Variants in MFSD8 observed in about 807,000 individuals in gnomAD.
The protein encoded by MFSD8 is major facilitator superfamily domain-containing protein 8.
In MFSD8, 55 loss-of-function variants were observed where a neutral mutation model predicts 66.4. The observed-to-expected ratio is 0.83, with a 90% CI of 0.67 to 1.04. The LOEUF is 1.04. Ranked by LOEUF, MFSD8 falls within the 50% of genes least tolerant of loss-of-function variation. The pLI, the probability that MFSD8 is intolerant of heterozygous loss-of-function variation, is 0.00. For synonymous variants in MFSD8, 202 were observed against 212.8 expected (o/e 0.95, Z 0.44); for missense variants, 550 against 627.6 (o/e 0.88, Z 1.32).
At chr4:127,965,302 G>A (rs764957776), upstream of MFSD8, 1 of 758,268 alleles carries the variant, frequency 1.3e-6, no homozygotes, top group Non-Finnish European at 2.2e-6. Flanking sequence ...GCGGAAGGCC[G>A]GGCAGCGCAG....
chr4:127,924,101 G>A (rs536072295), intron 9 of MFSD8, among the ~76,000 whole-genome samples: 4 of 152,152 alleles, frequency 2.6e-5, no homozygotes, highest in Admixed American at 6.5e-5. Context: ...AGTAGAATTC[G>A]GCTGTGAATC....
chr4:127,921,316 C>G, intron 11 of MFSD8: 1 of 829,372 alleles, frequency 1.2e-6, no homozygotes, highest in Admixed American at 2.7e-5. Flanking sequence ...AATGCCACTC[C>G]TACAACTTCT....
intron 5 of MFSD8, among the ~76,000 whole-genome samples, chr4:127,941,276 G>A (rs1211526575): frequency 6.6e-6 from 1 of 152,124 alleles, no homozygotes; most frequent in African/African-American, 2.4e-5. Context: ...GGAACGTAAT[G>A]GAAACTGGGG....
At chr4:127,956,301 C>G (rs1742849228) in intron 2 of MFSD8, among the ~76,000 whole-genome samples, 1 of 151,026 alleles carries the variant, frequency 6.6e-6, no homozygotes, top group Admixed American at 6.6e-5. Context: ...GTCAGGAGAT[C>G]AAGACATCCC....
At chr4:127,933,949 G>GGGATTACATGTGGTTTACATGT (rs924434413) in intron 7 of MFSD8, among the ~76,000 whole-genome samples, 2 of 152,124 alleles carry the variant, frequency 1.3e-5, no homozygotes, top group East Asian at 3.9e-4. Context: ...CCCAGCAGGT[G>GGGATTACATGTGGTTTACATGT]GGATTACATG....
In MFSD8 at chr4:127,919,057, C is replaced by CT. The variant is rs1233965276; in HGVS notation, c.*1572dup. The CT allele has an allele frequency of 2.0e-5, 3 of 152,074 alleles. No homozygotes were observed. The highest frequency in any genetic ancestry group is 4.4e-5 in the Non-Finnish European group (3 of 68,024). 9.4% of individuals were successfully genotyped at this position (152,074 alleles called of 1,614,324 possible). Reference sequence around the variant, plus strand: ...TGAGAAATCTATGGAAGCAGTCTTGCTATGGGCGGCAGAGGAGAGTGAAAA... The same window carrying CT: ...TGAGAAATCTATGGAAGCAGTCTTGCTTATGGGCGGCAGAGGAGAGTGAAAA... On this transcript the variant is annotated 3_prime_UTR_variant, in exon 12 of 12. Transcript: ENST00000641686.
intron 2 of MFSD8, among the ~76,000 whole-genome samples, chr4:127,951,806 G>A (rs976303084): frequency 2.0e-5 from 3 of 147,290 alleles, no homozygotes; most frequent in Non-Finnish European, 3.0e-5. Flanking sequence ...TCGGCTCATT[G>A]CAATCTCCGC....
At position 127,951,724 on chromosome 4, in the gene MFSD8, C is replaced by T. The variant is rs548911185; in HGVS notation, c.155-1877G>A. Among the ~76,000 whole-genome samples, 3 of 150,468 alleles carry T rather than the reference C, an allele frequency of 2.0e-5. No individual in the cohort carries two copies. In the East Asian group the frequency reaches 5.9e-4, roughly 29 times the overall value. ...TGGTCTTTTGTCTTGTCTTCTTTCA[C>T]TTAGTATTTTTTTTTTTTTTTTTGA... is the stretch of plus-strand genomic sequence containing the variant. On this transcript the variant is annotated intron_variant, in intron 2 of 11. Coordinates refer to ENST00000641686, the MANE Select transcript of MFSD8 (RefSeq NM_001371596.2).
At chr4:127,937,351 C>G (rs192547284) in intron 7 of MFSD8, among the ~76,000 whole-genome samples, 1 of 152,278 alleles carries the variant, frequency 6.6e-6, no homozygotes, top group African/African-American at 2.4e-5. Context: ...TCTCATTCTT[C>G]CAGGTGATCT....
In MFSD8 at chr4:127,921,947, T is replaced by A. The variant is rs1280781007; in HGVS notation, c.1015A>T (p.Ile339Phe). ...LLSKKIGERA[I>F]LLGGLIVVWV... is the part of the protein sequence containing the mutation. ...ACAACGATGAGTCCTCCCAGTAGAA[T>A]AGCACGCTCGCCAATCCTGTTAAAG... Residue 339 changes from isoleucine (I) to phenylalanine (F), a missense_variant, in exon 10 of 12, where the codon ATT becomes TTT. Coordinates refer to ENST00000641686, the MANE Select transcript of MFSD8 (RefSeq NM_001371596.2). The A allele has an allele frequency of 2.5e-6, 4 of 1,614,084 alleles. No homozygotes were observed. Among genetic ancestry groups the A allele is most frequent in the Non-Finnish European group, 3.4e-6 (4 of 1,179,960 alleles).
At chr4:127,949,755 G>T in intron 3 of MFSD8, 49 bp downstream of exon 3, 1 of 1,496,080 alleles carries the variant, frequency 6.7e-7, no homozygotes, top group Non-Finnish European at 9.3e-7. Flanking sequence ...CTACGTAAGA[G>T]TTACTACTAC....
At chr4:127,952,887 A>T (rs891980898) in intron 2 of MFSD8, among the ~76,000 whole-genome samples, 6 of 152,120 alleles carry the variant, frequency 3.9e-5, no homozygotes, top group African/African-American at 1.4e-4. Flanking sequence ...AAAAAAAAAA[A>T]AAAATCTAAA....
intron 3 of MFSD8, among the ~76,000 whole-genome samples, chr4:127,949,191 T>C (rs1369993125): frequency 6.6e-6 from 1 of 152,238 alleles, no homozygotes; most frequent in Non-Finnish European, 1.5e-5. Flanking sequence ...AACATTGTTA[T>C]AGATGAATTA....
At chr4:127,963,672 TGA>T (rs1388458996) in intron 1 of MFSD8, among the ~76,000 whole-genome samples, 3 of 152,096 alleles carry the variant, frequency 2.0e-5, no homozygotes, top group Non-Finnish European at 4.4e-5. Context: ...ACCTTCGCGG[TGA>T]GTGTTACGGC....
intron 9 of MFSD8, among the ~76,000 whole-genome samples, chr4:127,923,590 T>TATTATTA (rs1560721253): frequency 6.8e-6 from 1 of 146,878 alleles, no homozygotes; most frequent in African/African-American, 2.5e-5. Context: ...TTATTATTAT[T>TATTATTA]ATTATTTGAG....
chr4:127,930,680 T>C lies in MFSD8; in HGVS notation c.998+3A>G. 6.2e-7 allele frequency: 1 copy of C among 1,613,604 alleles called. No individual in the cohort carries two copies. Among genetic ancestry groups the C allele is most frequent in the Non-Finnish European group, 8.5e-7 (1 of 1,179,772 alleles). Reference sequence around the variant, plus strand: ...GACATAAAACCAAAAACACTTAACTTACTTTTTGGAAAGCAACTTAACTCC... The same window carrying C: ...GACATAAAACCAAAAACACTTAACTCACTTTTTGGAAAGCAACTTAACTCC... On this transcript the variant is annotated splice_donor_region_variant and intron_variant, in intron 9 of 11. Transcript: ENST00000641686.
At chr4:127,933,386 C>T (rs1394712203) in intron 7 of MFSD8, 2 of 276,716 alleles carry the variant, frequency 7.2e-6, no homozygotes, top group Non-Finnish European at 1.4e-5. Flanking sequence ...GCTGGGGCTA[C>T]AGATGTACTA....
At chr4:127,953,139 C>T (rs540897009) in intron 2 of MFSD8, among the ~76,000 whole-genome samples, 3 of 152,184 alleles carry the variant, frequency 2.0e-5, no homozygotes, top group Non-Finnish European at 4.4e-5. Context: ...TGTTCGATCC[C>T]AGAGGGTACA....
chr4:127,935,575 T>C lies in MFSD8; in HGVS notation c.755-2482A>G, dbSNP rs191654724. Among the ~76,000 whole-genome samples, 414 of 152,306 alleles carry C rather than the reference T, an allele frequency of 2.7e-3. 3 individuals carry two copies. Among genetic ancestry groups the C allele is most frequent in the South Asian group, 1.0e-3 (5 of 4,834 alleles). ...TTACCAGACATATTTTATGCAAACA[T>C]TTATTGAAATTTAAAAATTTTATTT... On this transcript the variant is annotated intron_variant, in intron 7 of 11. Transcript: ENST00000641686.
Sources: allele counts gnomAD v4.1 joint callset (sites outside exome capture counted in the v4.1 genomes callset), GRCh38; gene constraint gnomAD v4.1.1; transcripts MANE v1.5; gene names NCBI Gene and HGNC (gene_info 2026-07-23, HGNC 2026-07-21).